KLHDC10: variants seen among roughly 807,000 people sequenced by gnomAD.
The protein encoded by KLHDC10 is kelch domain containing 10, also known as kelch domain-containing protein 10.
A neutral mutation model predicts 56.1 loss-of-function variants in KLHDC10; 24 were observed. That is an observed-to-expected ratio of 0.43 (90% CI 0.31 to 0.60). The LOEUF (loss-of-function observed/expected upper bound fraction) is 0.60. KLHDC10 is among the 20% of genes least tolerant of loss of function. The pLI is 0.11. For synonymous variants in KLHDC10, 188 were observed against 207.1 expected, an observed-to-expected ratio of 0.91 and a Z score of 0.79; for missense variants, 349 against 567.0, an observed-to-expected ratio of 0.62 and a Z score of 3.91.
intron 5 of KLHDC10, among the ~76,000 whole-genome samples, chr7:130,124,009 A>G (rs1796283536): frequency 6.6e-6 from 1 of 152,218 alleles, no homozygotes; most frequent in South Asian, 2.1e-4. Flanking sequence ...AAAACTATGT[A>G]ATAATTTCCC....
intron 6 of KLHDC10, among the ~76,000 whole-genome samples, chr7:130,125,426 T>C (rs1202472956): frequency 6.6e-6 from 1 of 151,922 alleles, no homozygotes; most frequent in Non-Finnish European, 1.5e-5. Flanking sequence ...ACCTGTAGTC[T>C]CAGCTACACG....
rs557815134 is a variant in KLHDC10 at position 130,121,773 on chromosome 7, G to A, written c.631-281G>A. Among the ~76,000 whole-genome samples the A allele has an allele frequency of 2.6e-5, 4 of 152,294 alleles. No homozygotes were observed. In the East Asian group the frequency reaches 7.7e-4, roughly 29 times the overall value. On this transcript the variant is annotated intron_variant, in intron 4 of 9. Coordinates refer to ENST00000335420, the MANE Select transcript of KLHDC10 (RefSeq NM_014997.4). The stretch of plus-strand genomic sequence containing the variant: ...TTTCAATGGAAATGCTTATGCCCAT[G>A]GGCTAGAAATTATTTGATCAGCCAG...
At position 130,113,579 on chromosome 7, in the gene KLHDC10, C is replaced by T. The variant is rs539119647; in HGVS notation, c.254-2866C>T. Among the ~76,000 whole-genome samples the T allele has an allele frequency of 8.5e-5, 13 of 152,280 alleles. No homozygotes were observed. The East Asian group carries it at 1.9e-3, about 23-fold the overall frequency. On this transcript the variant is annotated intron_variant, in intron 2 of 9. Coordinates refer to ENST00000335420, the MANE Select transcript of KLHDC10 (RefSeq NM_014997.4). ...AAATCCTGACCTCAGGTCATCCACCCGCCTTGGCTTCCCAAAGTGCTTGGA... is the reference window on the plus strand; with the variant it reads ...AAATCCTGACCTCAGGTCATCCACCTGCCTTGGCTTCCCAAAGTGCTTGGA...
At chr7:130,081,263 T>C (rs1484886262) in intron 1 of KLHDC10, among the ~76,000 whole-genome samples, 1 of 152,064 alleles carries the variant, frequency 6.6e-6, no homozygotes, top group Non-Finnish European at 1.5e-5. Context: ...CCTCCCAAAG[T>C]GCTGGGATTA....
chr7:130,111,389 C>T (rs191483258), intron 2 of KLHDC10, among the ~76,000 whole-genome samples: 12 of 152,120 alleles, frequency 7.9e-5, no homozygotes, highest in Admixed American at 2.6e-4. Flanking sequence ...AAGGAGCAGG[C>T]TGGAAGAAAT....
In KLHDC10 at chr7:130,070,568, G is replaced by C. The variant is rs1008216028; in HGVS notation, c.-76G>C. ...CCCTGTCTCCTGGGTCTCTGGAGGA[G>C]CCCAGGAAGGAGGCTCCGCTGGTTC... On this transcript the variant is annotated 5_prime_UTR_variant, in exon 1 of 10. Transcript: ENST00000335420. 1.3e-5 allele frequency: 16 copies of C among 1,241,970 alleles called. No homozygotes were observed. In the East Asian group the frequency reaches 4.4e-4, roughly 34 times the overall value. The allele number at this position is 1,241,970 out of a possible 1,614,324, so 76.9% of individuals were successfully genotyped here.
chr7:130,120,712 C>A lies in KLHDC10; in HGVS notation c.476-37C>A, dbSNP rs754773473. 4.8e-5 allele frequency: 77 copies of A among 1,608,968 alleles called. No homozygotes were observed. In the Middle Eastern group the frequency reaches 5.1e-4, roughly 11 times the overall value. ...TTATGTGGGAACAAATTGCAGGTAGCCATTTGTGAACAGAACTTGTGCTTC... is the reference window on the plus strand; with the variant it reads ...TTATGTGGGAACAAATTGCAGGTAGACATTTGTGAACAGAACTTGTGCTTC... On this transcript the variant is annotated intron_variant, in intron 3 of 9. Transcript: ENST00000335420. The surrounding 1 kb of genome is among the most constrained non-coding windows in gnomAD (Gnocchi z 5.1).
intron 2 of KLHDC10, among the ~76,000 whole-genome samples, chr7:130,114,973 A>G (rs1281374946): frequency 2.0e-5 from 3 of 152,286 alleles, no homozygotes; most frequent in African/African-American, 7.2e-5. Context: ...GTGAGGAACC[A>G]TCAAAGACTT....
Position 130,125,737 on chromosome 7 carries a change from C to G in KLHDC10, c.865-128C>G, listed in dbSNP as rs145693052. On this transcript the variant is annotated intron_variant, in intron 6 of 9. Transcript: ENST00000335420. ...TCTGTATGGAAAATCACTGTACCTT[C>G]TGCTCAGTTTTGCTGTGAACTGAAA... The G allele has an allele frequency of 4.0e-4, 277 of 687,966 alleles. No homozygotes were observed. The African/African-American group carries it at 4.8e-3, about 12-fold the overall frequency. 42.6% of individuals were successfully genotyped at this position (687,966 alleles called of 1,614,324 possible).
At chr7:130,091,594 C>T (rs1795773828) in intron 1 of KLHDC10, among the ~76,000 whole-genome samples, 1 of 152,178 alleles carries the variant, frequency 6.6e-6, no homozygotes. Context: ...CTATATTAGT[C>T]ATTTTCTATA....
intron 2 of KLHDC10, among the ~76,000 whole-genome samples, chr7:130,098,074 A>G (rs1294053357): frequency 6.6e-6 from 1 of 151,670 alleles, no homozygotes; most frequent in African/African-American, 2.4e-5. Context: ...AGATGTTTCT[A>G]TATCTAGTTC....
rs149316155 is a variant in KLHDC10, at chr7:130,078,335, T to C, written c.166+7526T>C. The stretch of plus-strand genomic sequence containing the variant: ...GTTGCAGTCAGCAAAGATTGCGCTA[T>C]TGCACTTCAGCCTGGGTGACAGAGC... On this transcript the variant is annotated intron_variant, in intron 1 of 9. Transcript: ENST00000335420. Among the ~76,000 whole-genome samples, 938 of 151,264 alleles carry C rather than the reference T, an allele frequency of 6.2e-3. 4 individuals carry two copies. Among genetic ancestry groups the C allele is most frequent in the Middle Eastern group, 0.024 (7 of 294 alleles).
chr7:130,116,294 A>G lies in KLHDC10; in HGVS notation c.254-151A>G. Reference sequence around the variant, plus strand: ...CATAAGAAGTATTATTAGGAAGTATATCCATGTTATAAATCTAAACAAATA... The same window carrying G: ...CATAAGAAGTATTATTAGGAAGTATGTCCATGTTATAAATCTAAACAAATA... On this transcript the variant is annotated intron_variant, in intron 2 of 9. Coordinates refer to ENST00000335420, the MANE Select transcript of KLHDC10 (RefSeq NM_014997.4). The surrounding 1 kb of genome is among the most constrained non-coding windows in gnomAD (Gnocchi z 4.8). 1.6e-6 allele frequency: 1 copy of G among 618,094 alleles called. No homozygotes were observed. Among genetic ancestry groups the G allele is most frequent in the Non-Finnish European group, 2.9e-6 (1 of 348,410 alleles). The allele number at this position is 618,094 out of a possible 1,614,324, so 38.3% of individuals were successfully genotyped here. A position where few individuals can be genotyped will look rare whatever the true frequency, so the allele number is the denominator to read the frequency against.
intron 1 of KLHDC10, among the ~76,000 whole-genome samples, chr7:130,077,807 G>A (rs1395167337): frequency 1.3e-5 from 2 of 151,608 alleles, no homozygotes; most frequent in Admixed American, 6.6e-5. Flanking sequence ...CACCGGCCTC[G>A]GCCTCCCAAA....
intron 2 of KLHDC10, among the ~76,000 whole-genome samples, chr7:130,108,535 A>C (rs558679520): frequency 3.5e-4 from 50 of 143,516 alleles, no homozygotes; most frequent in Non-Finnish European, 6.5e-4. Context: ...ACGAGACGAA[A>C]CGCCGTCTCT....
At chr7:130,101,449 G>C (rs1213104640) in intron 2 of KLHDC10, among the ~76,000 whole-genome samples, 1 of 152,134 alleles carries the variant, frequency 6.6e-6, no homozygotes, top group Non-Finnish European at 1.5e-5. Context: ...TAAGCATAGA[G>C]GTGGCAAGTA....
Position 130,130,321 on chromosome 7 carries a change from C to CA in KLHDC10, c.1120-202dup, listed in dbSNP as rs35574079. Among the ~76,000 whole-genome samples the CA allele has an allele frequency of 0.03, 3,271 of 107,314 alleles. 112 individuals carry two copies. Among genetic ancestry groups the CA allele is most frequent in the African/African-American group, 0.1 (2,782 of 27,852 alleles). The allele number at this position is 107,314 out of a possible 152,430, so 70.4% of individuals were successfully genotyped here. On this transcript the variant is annotated intron_variant, in intron 9 of 9. Transcript: ENST00000335420. This position sits in a 1 kb window ranked among gnomAD's most constrained non-coding sequence, Gnocchi z 4.2. The stretch of plus-strand genomic sequence containing the variant: ...TGGGCGACAGAGTGAGACTCTGTCT[C>CA]AAAAAAAAAAAAAATCATATATATA...
chr7:130,077,527 T>A (rs1795528278), intron 1 of KLHDC10, among the ~76,000 whole-genome samples: 1 of 150,256 alleles, frequency 6.7e-6, no homozygotes, highest in Non-Finnish European at 1.5e-5. Flanking sequence ...AAATGGGGTT[T>A]CTACTACTTT....
intron 2 of KLHDC10, among the ~76,000 whole-genome samples, chr7:130,101,721 A>G (rs1296925301): frequency 6.6e-6 from 1 of 152,150 alleles, no homozygotes; most frequent in Non-Finnish European, 1.5e-5. Context: ...CTGTAATCCC[A>G]GCACTTAGGG....
Sources: gnomAD v4.1 joint callset for allele counts (sites outside exome capture counted in the v4.1 genomes callset) on GRCh38, gnomAD v4.1.1 for gene constraint, Gnocchi (gnomAD v3.1) non-coding constraint, MANE v1.5 for transcripts, NCBI Gene and HGNC (gene_info 2026-07-23, HGNC 2026-07-21) for gene names.